LRRC34: variants seen among roughly 807,000 people sequenced by gnomAD.
LRRC34 encodes the protein leucine-rich repeat-containing protein 34.
A neutral mutation model predicts 48.5 loss-of-function variants in LRRC34; 44 were observed. The observed-to-expected ratio is 0.91, with a 90% CI of 0.71 to 1.17. LRRC34 has a LOEUF of 1.17. LRRC34 is among the 50% of genes most tolerant of loss of function. The pLI, the probability that LRRC34 is intolerant of heterozygous loss-of-function variation, is 0.00. For missense variants in LRRC34, 502 were observed against 563.0 expected, an observed-to-expected ratio of 0.89 and a Z score of 1.10; for synonymous variants, 192 against 197.6, an observed-to-expected ratio of 0.97 and a Z score of 0.24.
In LRRC34 at chr3:169,812,498, G is replaced by C. The variant is rs926489630; in HGVS notation, c.51C>G (p.Ser17=). 3.9e-6 allele frequency: 6 copies of C among 1,527,714 alleles called. No individual in the cohort carries two copies. Among genetic ancestry groups the C allele is most frequent in the Admixed American group, 4.0e-5 (2 of 50,584 alleles). The allele number at this position is 1,527,714 out of a possible 1,614,324, so 94.6% of individuals were successfully genotyped here. A position where few individuals can be genotyped will look rare whatever the true frequency, so the allele number is the denominator to read the frequency against. Residue 17 remains serine, a synonymous_variant, in exon 1 of 11, where the codon TCC becomes TCG. Coordinates refer to ENST00000446859, the MANE Select transcript of LRRC34 (RefSeq NM_001172779.2). This position sits in a 1 kb window ranked among gnomAD's most constrained non-coding sequence, Gnocchi z 4.3. The part of the protein sequence containing the change: ...RPVGERSMGS[S]REAARAPARS... ...TGGCCGGCGCACGGGCGGCCTCCCG[G>C]GAGCTCCCCATGCTCCTCTCACCCA...
In LRRC34 at chr3:169,795,536, A is replaced by C. The variant is rs371254815; in HGVS notation, c.1140T>G (p.Thr380=). 1 of 1,612,720 alleles carries C rather than the reference A, an allele frequency of 6.2e-7. No individual in the cohort carries two copies. The highest frequency in any genetic ancestry group is 8.5e-7 in the Non-Finnish European group (1 of 1,179,138). The change falls in exon 10 of 11, where the codon ACT becomes ACG. Residue 380 remains threonine, a synonymous_variant. Transcript: ENST00000446859. ...TTCCCCAAATGTAGATATGAGAGAA[A>C]GTGAGATTTGTTTTCATTGATTGTG... ...ALSQSMKTNL[T]FSHIYIWGNK...
chr3:169,810,754 A>G (rs1779532673), intron 1 of LRRC34, among the ~76,000 whole-genome samples: 1 of 152,226 alleles, frequency 6.6e-6, no homozygotes, highest in Admixed American at 6.5e-5. Flanking sequence ...TAAGCTTGAG[A>G]ATAGGGAGGA....
chr3:169,797,000 A>G (rs1779015675), intron 7 of LRRC34, 101 bp from the exon 8 acceptor site: 14 of 938,526 alleles, frequency 1.5e-5, no homozygotes, highest in Non-Finnish European at 2.0e-5. Context: ...TAAAAAGATT[A>G]TATTGGTTAA....
At chr3:169,793,881 T>C (rs1577407784) in intron 10 of LRRC34, 43 bp from the exon 11 acceptor site, 1 of 1,396,928 alleles carries the variant, frequency 7.2e-7, no homozygotes, top group Non-Finnish European at 9.9e-7. Flanking sequence ...AGAAAAAATG[T>C]ATTCAATTTA....
chr3:169,808,719 G>A lies in LRRC34; in HGVS notation c.166C>T (p.His56Tyr), dbSNP rs1363401540. 5 of 1,588,636 alleles carry A rather than the reference G, an allele frequency of 3.1e-6. No homozygotes were observed. Among genetic ancestry groups the A allele is most frequent in the Non-Finnish European group, 2.6e-6 (3 of 1,160,762 alleles). ...TTTTCCATACACAGATTAGAATAAT[G>A]TTTCTGGAGACCAGATTCTGGAGAT... ...RESPESGLQK[H>Y]YSNLCMEKSQ... The change falls in exon 2 of 11, where the codon CAT becomes TAT. Residue 56 changes from histidine to tyrosine, a missense_variant. Coordinates refer to ENST00000446859, the MANE Select transcript of LRRC34 (RefSeq NM_001172779.2).
chr3:169,793,971 T>C (rs908912767), intron 10 of LRRC34, 133 bp from the exon 11 acceptor site: 2 of 573,946 alleles, frequency 3.5e-6, no homozygotes, highest in African/African-American at 1.9e-5. Flanking sequence ...ATAACATTGC[T>C]GAATTTTAAT....
chr3:169,812,866 C>A lies in LRRC34; in HGVS notation c.-318G>T, dbSNP rs941498441. The A allele has an allele frequency of 2.9e-6, 1 of 340,906 alleles. No homozygotes were observed. The highest frequency in any genetic ancestry group is 5.0e-5 in the Admixed American group (1 of 20,016). The allele number at this position is 340,906 out of a possible 1,614,324, so 21.1% of individuals were successfully genotyped here. A position where few individuals can be genotyped will look rare whatever the true frequency, so the allele number is the denominator to read the frequency against. ...CAAAGTGTGCACCGGCCTGCCGGGC[C>A]AGCGAAGAAGCAGAGTAGCATCAGC... On this transcript the variant is annotated 5_prime_UTR_variant, in exon 1 of 11. Coordinates refer to ENST00000446859, the MANE Select transcript of LRRC34 (RefSeq NM_001172779.2). The surrounding 1 kb of genome is among the most constrained non-coding windows in gnomAD (Gnocchi z 4.3).
chr3:169,806,870 T>C lies in LRRC34; in HGVS notation c.506A>G (p.Glu169Gly). 6.2e-7 allele frequency: 1 copy of C among 1,605,784 alleles called. No individual in the cohort carries two copies. Among genetic ancestry groups the C allele is most frequent in the Non-Finnish European group, 8.5e-7 (1 of 1,173,866 alleles). ...MFNDIGPEGG[E>G]LIAKVLHKNR... Reference sequence around the variant, plus strand: ...TACATGTAGCACTTTAGCAATCAATTCTCCACCTTCGGGCCCAATATCATT... The same window carrying C: ...TACATGTAGCACTTTAGCAATCAATCCTCCACCTTCGGGCCCAATATCATT... Residue 169 changes from glutamate to glycine, a missense_variant, in exon 5 of 11, where the codon GAA becomes GGA. Glu to Gly is a moderately conservative substitution (Grantham distance 98). Transcript: ENST00000446859.
chr3:169,808,836 T>A, intron 1 of LRRC34, 91 bp from the exon 2 acceptor site: 1 of 702,580 alleles, frequency 1.4e-6, no homozygotes, highest in Non-Finnish European at 2.5e-6. Context: ...ATATATGAGT[T>A]GTATGTGTGT....
chr3:169,793,521 T>A lies in LRRC34; in HGVS notation c.*114A>T. ...AAAGTTTAATACAGTCATTATCTTT[T>A]ACACATTTGAAAAAAGTAACTTGTT... is the stretch of plus-strand genomic sequence containing the variant. On this transcript the variant is annotated 3_prime_UTR_variant, in exon 11 of 11. Transcript: ENST00000446859. 4.0e-6 allele frequency: 3 copies of A among 757,774 alleles called. No individual in the cohort carries two copies. The highest frequency in any genetic ancestry group is 4.1e-5 in the South Asian group (2 of 49,118). 46.9% of individuals were successfully genotyped at this position (757,774 alleles called of 1,614,324 possible).
In LRRC34 at chr3:169,793,571, A is replaced by G. The variant is rs2108217589; in HGVS notation, c.*64T>C. 1.0e-5 allele frequency: 12 copies of G among 1,169,346 alleles called. No individual in the cohort carries two copies. Among genetic ancestry groups the G allele is most frequent in the Non-Finnish European group, 1.2e-5 (10 of 812,116 alleles). The allele number at this position is 1,169,346 out of a possible 1,614,324, so 72.4% of individuals were successfully genotyped here. ...TTTAATTTATAAAAGAAAATAGGCT[A>G]TAGAATATTAATCTCTGTGAAACAA... On this transcript the variant is annotated 3_prime_UTR_variant, in exon 11 of 11. Coordinates refer to ENST00000446859, the MANE Select transcript of LRRC34 (RefSeq NM_001172779.2).
At chr3:169,796,563 A>G (rs1778996327) in intron 8 of LRRC34, 182 bp downstream of exon 8, 3 of 902,002 alleles carry the variant, frequency 3.3e-6, no homozygotes, top group Non-Finnish European at 4.8e-6. Flanking sequence ...TAAATTGCTC[A>G]TTTATGTTAC....
rs372281991 is a variant in LRRC34 at position 169,804,305 on chromosome 3, A to G, written c.529-124T>C. 4 of 765,938 alleles carry G rather than the reference A, an allele frequency of 5.2e-6. No homozygotes were observed. The South Asian group carries it at 1.2e-4, about 23-fold the overall frequency. The allele number at this position is 765,938 out of a possible 1,614,324, so 47.4% of individuals were successfully genotyped here. On this transcript the variant is annotated intron_variant, in intron 5 of 10. Transcript: ENST00000446859. The stretch of plus-strand genomic sequence containing the variant: ...TTCATGGAGCTAGAACACGATATAT[A>G]TTTTTTTTGAGACAGAGTCTCGCTC...
intron 6 of LRRC34, among the ~76,000 whole-genome samples, chr3:169,803,230 G>T (rs1350668726): frequency 3.9e-5 from 6 of 152,114 alleles, no homozygotes; most frequent in African/African-American, 1.4e-4. Context: ...TAGAGACAGG[G>T]TCTTACCATG....
intron 7 of LRRC34, among the ~76,000 whole-genome samples, chr3:169,797,926 A>G (rs980285966): frequency 6.6e-6 from 1 of 152,238 alleles, no homozygotes; most frequent in Non-Finnish European, 1.5e-5. Flanking sequence ...AAAGGTACCT[A>G]GCACAAAATA....
At chr3:169,800,195 A>G (rs1361369206) in intron 7 of LRRC34, among the ~76,000 whole-genome samples, 1 of 152,152 alleles carries the variant, frequency 6.6e-6, no homozygotes, top group Admixed American at 6.5e-5. Context: ...TAGGAACCAC[A>G]TTTTTACTCA....
intron 6 of LRRC34, 126 bp downstream of exon 6, chr3:169,803,926 TA>T: frequency 1.2e-6 from 1 of 815,038 alleles, no homozygotes; most frequent in East Asian, 2.8e-5. Context: ...CTATTATGTC[TA>T]GGGGAAAAAC....
intron 7 of LRRC34, 22 bp from the exon 8 acceptor site, chr3:169,796,921 T>C (rs1288965572): frequency 6.7e-7 from 1 of 1,491,936 alleles, no homozygotes; most frequent in Middle Eastern, 1.8e-4. Context: ...TAAAATCTTA[T>C]TTCTAAAATA....
At position 169,809,199 on chromosome 3, in the gene LRRC34, C is replaced by CTT. The variant is rs35059929; in HGVS notation, c.140-456_140-455dup. The stretch of plus-strand genomic sequence containing the variant: ...AATGGGTTACAGGGACTCAAGGTTT[C>CTT]TTTTTTTTTTTTTTTTTTTTCAACT... On this transcript the variant is annotated intron_variant, in intron 1 of 10. Coordinates refer to ENST00000446859, the MANE Select transcript of LRRC34 (RefSeq NM_001172779.2). Among the ~76,000 whole-genome samples, 668 of 113,322 alleles carry CTT rather than the reference C, an allele frequency of 5.9e-3. 11 individuals carry two copies. Among genetic ancestry groups the CTT allele is most frequent in the Non-Finnish European group, 9.3e-3 (500 of 53,622 alleles). The allele number at this position is 113,322 out of a possible 152,430, so 74.3% of individuals were successfully genotyped here. A position where few individuals can be genotyped will look rare whatever the true frequency, so the allele number is the denominator to read the frequency against.
Sources: allele counts gnomAD v4.1 joint callset (sites outside exome capture counted in the v4.1 genomes callset), GRCh38; gene constraint gnomAD v4.1.1; non-coding constraint Gnocchi (gnomAD v3.1); transcripts MANE v1.5; gene names NCBI Gene and HGNC (gene_info 2026-07-23, HGNC 2026-07-21).